The following DNAJC1 variants were observed in gnomAD, a reference collection of about 807,000 sequenced individuals.
DNAJC1 encodes the protein dnaJ homolog subfamily C member 1.
In DNAJC1, 58 loss-of-function variants were observed where a neutral mutation model predicts 76.6. The observed-to-expected ratio is 0.76, with a 90% confidence interval of 0.61 to 0.94. The LOEUF is 0.94. Ranked by LOEUF, DNAJC1 falls within the 40% of genes least tolerant of loss-of-function variation. The pLI is 0.00. For synonymous variants in DNAJC1, 258 were observed against 267.9 expected, an observed-to-expected ratio of 0.96 and a Z score of 0.36; for missense variants, 689 against 677.3, an observed-to-expected ratio of 1.02 and a Z score of -0.19.
intron 10 of DNAJC1, among the ~76,000 whole-genome samples, chr10:21,761,264 AAAAC>A (rs1002429933): frequency 3.3e-5 from 5 of 152,208 alleles, no homozygotes; most frequent in African/African-American, 1.2e-4. Context: ...TATTTAATAA[AAAAC>A]AAAATCCCAG....
intron 1 of DNAJC1, among the ~76,000 whole-genome samples, chr10:21,991,880 C>T (rs1433811315): frequency 6.6e-6 from 1 of 152,094 alleles, no homozygotes; most frequent in Non-Finnish European, 1.5e-5. Context: ...AGCTATATGC[C>T]TTATGAAATC....
At chr10:21,772,271 C>CTTTTTTTT (rs398045895) in intron 9 of DNAJC1, among the ~76,000 whole-genome samples, 2 of 93,044 alleles carry the variant, frequency 2.1e-5, no homozygotes, top group African/African-American at 8.6e-5. Context: ...CACCCCTCTT[C>CTTTTTTTT]TTTTTTTTTT....
chr10:21,916,626 T>C (rs1393247722), intron 6 of DNAJC1, among the ~76,000 whole-genome samples: 1 of 152,244 alleles, frequency 6.6e-6, no homozygotes, highest in African/African-American at 2.4e-5. Flanking sequence ...TTTTGACCAC[T>C]GTTCCAATTA....
chr10:21,980,972 G>A (rs1027975355), intron 1 of DNAJC1, among the ~76,000 whole-genome samples: 14 of 151,956 alleles, frequency 9.2e-5, no homozygotes, highest in Non-Finnish European at 1.8e-4. Context: ...CTTAAGTGTG[G>A]TACCAGGAGT....
intron 7 of DNAJC1, among the ~76,000 whole-genome samples, chr10:21,883,224 T>C (rs1836310438): frequency 7.0e-6 from 1 of 143,752 alleles, no homozygotes; most frequent in African/African-American, 2.6e-5. Context: ...CATTCCAGCC[T>C]GGGTGACAGA....
chr10:21,796,384 A>G (rs1429580054), intron 9 of DNAJC1, among the ~76,000 whole-genome samples: 1 of 152,196 alleles, frequency 6.6e-6, no homozygotes, highest in East Asian at 1.9e-4. Flanking sequence ...GCTACTGTGC[A>G]TAATGGTGCA....
chr10:21,774,233 A>G (rs1203421668), intron 9 of DNAJC1, among the ~76,000 whole-genome samples: 1 of 152,190 alleles, frequency 6.6e-6, no homozygotes, highest in African/African-American at 2.4e-5. Flanking sequence ...ATTCTAAGAA[A>G]AGCTTACGGT....
chr10:21,951,876 CATTT>C, intron 1 of DNAJC1, among the ~76,000 whole-genome samples: 1 of 152,156 alleles, frequency 6.6e-6, no homozygotes, highest in East Asian at 1.9e-4. Context: ...AATGCTTGAA[CATTT>C]ATGTGATGTT....
intron 8 of DNAJC1, 134 bp from the exon 9 acceptor site, chr10:21,806,233 A>C (rs1834881383): frequency 1.9e-5 from 19 of 978,136 alleles, no homozygotes; most frequent in Non-Finnish European, 2.8e-5. Flanking sequence ...GTAAAAAACA[A>C]TACTAAATTG....
chr10:21,770,392 CTTCTT>C (rs1564782545), intron 9 of DNAJC1, among the ~76,000 whole-genome samples: 4 of 134,556 alleles, frequency 3.0e-5, no homozygotes, highest in African/African-American at 1.1e-4. Context: ...TTATTTTTTT[CTTCTT>C]TTTTTTTTTT....
chr10:21,827,595 A>G (rs772409872), intron 8 of DNAJC1, among the ~76,000 whole-genome samples: 13 of 152,154 alleles, frequency 8.5e-5, no homozygotes, highest in Admixed American at 3.3e-4. Context: ...TTGCAGCTGC[A>G]TTACTCCAAC....
At chr10:22,002,132 C>T (rs1181463525) in intron 1 of DNAJC1, among the ~76,000 whole-genome samples, 1 of 152,184 alleles carries the variant, frequency 6.6e-6, no homozygotes, top group Non-Finnish European at 1.5e-5. Flanking sequence ...CAATAGTTCA[C>T]CCACATTTAT....
At chr10:21,803,921 C>A (rs923834778) in intron 9 of DNAJC1, 9 of 983,158 alleles carry the variant, frequency 9.2e-6, no homozygotes, top group Non-Finnish European at 9.6e-6. Flanking sequence ...TCAGGTTTTC[C>A]ACTTCCATGA....
intron 8 of DNAJC1, among the ~76,000 whole-genome samples, chr10:21,881,957 A>G (rs936700319): frequency 1.3e-5 from 2 of 151,778 alleles, no homozygotes; most frequent in Non-Finnish European, 2.9e-5. Flanking sequence ...GATCAAAACC[A>G]TCCTGGCTAA....
At chr10:21,818,171 T>C (rs188789352) in intron 8 of DNAJC1, among the ~76,000 whole-genome samples, 153 of 152,252 alleles carry the variant, frequency 1.0e-3, no homozygotes, top group African/African-American at 3.2e-3. Flanking sequence ...GCAAGGAACG[T>C]CCCTGAGAAA....
At chr10:21,829,942 G>C (rs1216441903) in intron 8 of DNAJC1, among the ~76,000 whole-genome samples, 1 of 152,074 alleles carries the variant, frequency 6.6e-6, no homozygotes, top group African/African-American at 2.4e-5. Context: ...CTACATTCTA[G>C]CTACAGTAAT....
chr10:21,852,400 G>C (rs1835770949), intron 8 of DNAJC1, among the ~76,000 whole-genome samples: 2 of 152,158 alleles, frequency 1.3e-5, no homozygotes, highest in Admixed American at 1.3e-4. Flanking sequence ...GACAGAGGTG[G>C]TGGTTGGACA....
At chr10:21,866,785 T>A (rs1440326647) in intron 8 of DNAJC1, among the ~76,000 whole-genome samples, 1 of 152,122 alleles carries the variant, frequency 6.6e-6, no homozygotes, top group Non-Finnish European at 1.5e-5. Flanking sequence ...ATAAAGCCAG[T>A]GTCAACACAA....
At chr10:21,965,712 G>C (rs1291122321) in intron 1 of DNAJC1, among the ~76,000 whole-genome samples, 2 of 152,112 alleles carry the variant, frequency 1.3e-5, no homozygotes, top group Non-Finnish European at 2.9e-5. Context: ...ACAAACCCTT[G>C]TAGCAGAACA....
Sources: gnomAD v4.1 joint callset for allele counts (sites outside exome capture counted in the v4.1 genomes callset) on GRCh38, gnomAD v4.1.1 for gene constraint, MANE v1.5 for transcripts, NCBI Gene and HGNC (gene_info 2026-07-23, HGNC 2026-07-21) for gene names.